CACNA2D3: variants seen among roughly 807,000 people sequenced by gnomAD.
CACNA2D3 encodes calcium voltage-gated channel auxiliary subunit alpha2delta 3, also known as voltage-dependent calcium channel subunit alpha-2/delta-3.
CACNA2D3 carries 60 observed loss-of-function variants against 160.6 expected under a neutral mutation model. That is an observed-to-expected ratio of 0.37 (90% CI 0.30 to 0.46). The LOEUF (loss-of-function observed/expected upper bound fraction) is 0.46. Among genes scored for constraint, CACNA2D3 ranks in the 20% least tolerant of loss-of-function variants. The probability of loss-of-function intolerance (pLI) is 1.00; values close to 1 mark genes in which losing one functional copy is unlikely to be tolerated. For missense variants in CACNA2D3, 1,205 were observed against 1,365.0 expected (o/e 0.88, Z 1.85); for synonymous variants, 558 against 492.9 (o/e 1.13, Z -1.75).
At chr3:54,221,456 A>G (rs1286525027) in intron 2 of CACNA2D3, among the ~76,000 whole-genome samples, 2 of 152,258 alleles carry the variant, frequency 1.3e-5, no homozygotes, top group Non-Finnish European at 2.9e-5. Flanking sequence ...TCTAACTGGT[A>G]GCTTGCCTTT....
intron 4 of CACNA2D3, among the ~76,000 whole-genome samples, chr3:54,455,115 G>A (rs1021873789): frequency 1.3e-5 from 2 of 152,032 alleles, no homozygotes; most frequent in Non-Finnish European, 2.9e-5. Context: ...TACCCAGTAG[G>A]GGGATTGCTG....
At chr3:55,060,555 T>A (rs1704482376) in intron 35 of CACNA2D3, among the ~76,000 whole-genome samples, 1 of 152,202 alleles carries the variant, frequency 6.6e-6, no homozygotes, top group Admixed American at 6.5e-5. Flanking sequence ...GATATTTCTT[T>A]GAGTTGGTGT....
In CACNA2D3 at chr3:54,654,115, A is replaced by T. The variant is rs181231023; in HGVS notation, c.1167+11874A>T. Among the ~76,000 whole-genome samples the T allele has an allele frequency of 1.4e-4, 21 of 152,228 alleles. No homozygotes were observed. In the East Asian group the frequency reaches 3.5e-3, roughly 25 times the overall value. ...ATGAAACTGGAAGTCTCCAGTTTCAACCCATATCCAGCTGTCTCCATATCT... is the reference window on the plus strand; with the variant it reads ...ATGAAACTGGAAGTCTCCAGTTTCATCCCATATCCAGCTGTCTCCATATCT... On this transcript the variant is annotated intron_variant, in intron 11 of 37. Coordinates refer to ENST00000474759, the MANE Select transcript of CACNA2D3 (RefSeq NM_018398.3).
At chr3:54,536,831 G>A (rs1701896904) in intron 5 of CACNA2D3, among the ~76,000 whole-genome samples, 1 of 152,172 alleles carries the variant, frequency 6.6e-6, no homozygotes, top group African/African-American at 2.4e-5. Flanking sequence ...GCTATTATTA[G>A]AGCAGCTGCC....
intron 4 of CACNA2D3, among the ~76,000 whole-genome samples, chr3:54,401,627 C>T (rs1218161501): frequency 2.0e-5 from 3 of 152,128 alleles, no homozygotes; most frequent in Non-Finnish European, 1.5e-5. Flanking sequence ...AAAAGAATGT[C>T]AGCCAAGAAT....
At chr3:55,058,297 G>T (rs933116927) in intron 35 of CACNA2D3, among the ~76,000 whole-genome samples, 2 of 152,210 alleles carry the variant, frequency 1.3e-5, no homozygotes, top group African/African-American at 4.8e-5. Flanking sequence ...AGCTTAGATA[G>T]AGTCAAAGTA....
rs778473325 is a variant in CACNA2D3, at chr3:54,801,046, G to A, written c.1381-15807G>A. 5.2e-4 allele frequency among the ~76,000 whole-genome samples: 78 copies of A among 150,958 alleles called. 1 individual carries two copies. The highest frequency in any genetic ancestry group is 3.4e-3 in the Admixed American group (51 of 15,160). On this transcript the variant is annotated intron_variant, in intron 13 of 37. Coordinates refer to ENST00000474759, the MANE Select transcript of CACNA2D3 (RefSeq NM_018398.3). ...CTGTCACCCAGGCTGGAGTGCAGTGGTATGATCTCAGCTCACTGTAACCTC... is the reference window on the plus strand; with the variant it reads ...CTGTCACCCAGGCTGGAGTGCAGTGATATGATCTCAGCTCACTGTAACCTC...
At chr3:54,387,260 T>G (rs780392266) in intron 4 of CACNA2D3, among the ~76,000 whole-genome samples, 3 of 152,234 alleles carry the variant, frequency 2.0e-5, no homozygotes, top group Non-Finnish European at 4.4e-5. Context: ...CAGTAGATCT[T>G]GTACCTGATC....
At chr3:54,618,131 C>CT (rs1698895905) in intron 9 of CACNA2D3, among the ~76,000 whole-genome samples, 1 of 151,548 alleles carries the variant, frequency 6.6e-6, no homozygotes, top group Non-Finnish European at 1.5e-5. Context: ...TCTACATTAT[C>CT]TTATTAAGTC....
At chr3:54,177,054 G>A (rs182995273) in intron 2 of CACNA2D3, among the ~76,000 whole-genome samples, 3 of 152,316 alleles carry the variant, frequency 2.0e-5, no homozygotes, top group Non-Finnish European at 4.4e-5. Context: ...TGTGTGAAAT[G>A]TTGAGCTTAT....
chr3:54,714,845 T>C (rs923657190), intron 11 of CACNA2D3, among the ~76,000 whole-genome samples: 2 of 152,220 alleles, frequency 1.3e-5, no homozygotes, highest in Non-Finnish European at 2.9e-5. Context: ...AACATGTGGA[T>C]GAGTGGATAC....
At chr3:55,036,814 C>T (rs924283475) in intron 35 of CACNA2D3, among the ~76,000 whole-genome samples, 4 of 152,172 alleles carry the variant, frequency 2.6e-5, no homozygotes, top group African/African-American at 7.2e-5. Context: ...TTTGACTTTT[C>T]ACTTTAAAAA....
chr3:54,453,439 T>C (rs199884898), intron 4 of CACNA2D3, among the ~76,000 whole-genome samples: 1 of 152,156 alleles, frequency 6.6e-6, no homozygotes, highest in East Asian at 1.9e-4. Context: ...CTTCAACATA[T>C]CTTTTGGGGG....
intron 9 of CACNA2D3, among the ~76,000 whole-genome samples, chr3:54,607,324 T>C (rs767818334): frequency 6.6e-6 from 1 of 152,100 alleles, no homozygotes; most frequent in Non-Finnish European, 1.5e-5. Context: ...TTTTTTTGTT[T>C]TGTTTTGTTT....
intron 13 of CACNA2D3, among the ~76,000 whole-genome samples, chr3:54,777,233 A>G (rs1301475483): frequency 1.3e-5 from 2 of 152,212 alleles, no homozygotes; most frequent in African/African-American, 4.8e-5. Context: ...ATAGGTAAGG[A>G]CATTTCACCT....
chr3:54,296,101 G>A (rs776076474), intron 2 of CACNA2D3, among the ~76,000 whole-genome samples: 5 of 152,280 alleles, frequency 3.3e-5, no homozygotes, highest in South Asian at 2.1e-4. Flanking sequence ...TAGGGTGCAC[G>A]TCCCAGTGGC....
rs1559563872 is a variant in CACNA2D3, at chr3:54,736,142, C to CATACATATATATGTATATATATAT, written c.1168-16456_1168-16455insTACATATATATGTATATATATATA. Among the ~76,000 whole-genome samples the CATACATATATATGTATATATATAT allele has an allele frequency of 7.2e-4, 50 of 69,144 alleles. 11 individuals carry two copies. The highest frequency in any genetic ancestry group is 1.3e-3 in the Admixed American group (7 of 5,196). The allele number at this position is 69,144 out of a possible 152,430, so 45.4% of individuals were successfully genotyped here. A position where few individuals can be genotyped will look rare whatever the true frequency, so the allele number is the denominator to read the frequency against. On this transcript the variant is annotated intron_variant, in intron 11 of 37. Transcript: ENST00000474759. ...ATACATATATATATGTATATATATA[C>CATACATATATATGTATATATATAT]ACACACACACACACACACACACAGA...
At chr3:54,930,577 C>A (rs1386632146) in intron 27 of CACNA2D3, among the ~76,000 whole-genome samples, 1 of 152,170 alleles carries the variant, frequency 6.6e-6, no homozygotes, top group Non-Finnish European at 1.5e-5. Flanking sequence ...AAGACCCTGG[C>A]AGAGAACCAA....
chr3:54,691,881 T>C (rs1053062976), intron 11 of CACNA2D3, among the ~76,000 whole-genome samples: 1 of 135,710 alleles, frequency 7.4e-6, no homozygotes, highest in Non-Finnish European at 1.7e-5. Flanking sequence ...TTGTTCTTTA[T>C]CTTTTAATTT....
Sources: allele counts gnomAD v4.1 joint callset (sites outside exome capture counted in the v4.1 genomes callset), GRCh38; gene constraint gnomAD v4.1.1; transcripts MANE v1.5; gene names NCBI Gene and HGNC (gene_info 2026-07-23, HGNC 2026-07-21).